GPHN: variants seen among roughly 807,000 people sequenced by gnomAD.
GPHN encodes gephyrin.
In GPHN, 17 loss-of-function variants were observed where a neutral mutation model predicts 95.5. That is an observed-to-expected ratio of 0.18 (90% confidence interval 0.12 to 0.27). The LOEUF is 0.27. Ranked by LOEUF, GPHN falls within the 10% of genes least tolerant of loss-of-function variation. GPHN has a pLI of 1.00. For synonymous variants in GPHN, 320 were observed against 322.5 expected (o/e 0.99, Z 0.08); for missense variants, 660 against 978.1 (o/e 0.67, Z 4.34).
intron 8 of GPHN, among the ~76,000 whole-genome samples, chr14:66,955,242 T>A (rs1443714808): frequency 1.3e-5 from 2 of 152,184 alleles, no homozygotes; most frequent in South Asian, 4.1e-4. Flanking sequence ...GTCCTGGGCT[T>A]TTCCTTGTTG....
the GPHN span, chr14:67,651,608 A>G: frequency 4.9e-6 from 5 of 1,016,806 alleles, no homozygotes; most frequent in Non-Finnish European, 7.0e-6. Context: ...ACAGCCACTT[A>G]GCAGGAAGTA....
chr14:66,719,745 A>G (rs535312103), intron 2 of GPHN, among the ~76,000 whole-genome samples: 4 of 152,338 alleles, frequency 2.6e-5, no homozygotes, highest in East Asian at 1.9e-4. Flanking sequence ...ATTCATTAAC[A>G]TAAGGATGAG....
At chr14:66,536,349 G>A (rs2059144067) in intron 1 of GPHN, among the ~76,000 whole-genome samples, 1 of 152,110 alleles carries the variant, frequency 6.6e-6, no homozygotes, top group Non-Finnish European at 1.5e-5. Context: ...CTGTGATGTG[G>A]TGAATTACAT....
intron 3 of GPHN, among the ~76,000 whole-genome samples, chr14:66,810,253 G>A (rs1020015092): frequency 4.0e-5 from 6 of 151,536 alleles, no homozygotes; most frequent in African/African-American, 1.5e-4. Flanking sequence ...CTTTACTACT[G>A]GAAAACTAAA....
At chr14:66,787,920 G>T (rs924606881) in intron 3 of GPHN, among the ~76,000 whole-genome samples, 1 of 151,286 alleles carries the variant, frequency 6.6e-6, no homozygotes, top group Non-Finnish European at 1.5e-5. Context: ...TACGACCTGG[G>T]GCTAGATGAA....
intron 4 of GPHN, among the ~76,000 whole-genome samples, chr14:66,848,138 TATA>T (rs2062415714): frequency 6.6e-6 from 1 of 152,134 alleles, no homozygotes; most frequent in Non-Finnish European, 1.5e-5. Context: ...TTAGATTTCT[TATA>T]ATATTTAGTA....
intron 8 of GPHN, among the ~76,000 whole-genome samples, chr14:66,932,458 T>TTG (rs2066867542): frequency 1.6e-5 from 2 of 123,618 alleles, no homozygotes; most frequent in South Asian, 3.1e-4. Context: ...TTTTTTTTTT[T>TTG]TTTTTTTTTT....
the GPHN span, among the ~76,000 whole-genome samples, chr14:67,261,204 G>C: frequency 2.4e-4 from 37 of 152,258 alleles, no homozygotes; most frequent in African/African-American, 8.9e-4. Flanking sequence ...ACACTGTTGT[G>C]GTGGTAGGAG....
At chr14:67,225,283 A>T in the GPHN span, 1 of 1,461,318 alleles carries the variant, frequency 6.8e-7, no homozygotes, top group Non-Finnish European at 9.0e-7. Context: ...TTTAATTATA[A>T]GTCTCTATAG....
rs539101099 is a variant in GPHN, at chr14:66,902,291, A to G, written c.390-13712A>G. Among the ~76,000 whole-genome samples the G allele has an allele frequency of 5.9e-5, 9 of 152,150 alleles. 2 individuals carry two copies. The highest frequency in any genetic ancestry group is 2.2e-4 in the African/African-American group (9 of 41,544). On this transcript the variant is annotated intron_variant, in intron 5 of 22. Coordinates refer to ENST00000478722, the MANE Select transcript of GPHN (RefSeq NM_020806.5). ...TTTAGTGGAGTCTCCAGATTTTTCT[A>G]ACTATAAGGTCATGTCATCTGCAAA...
intron 3 of GPHN, among the ~76,000 whole-genome samples, chr14:66,786,390 A>G (rs2059775619): frequency 6.6e-6 from 1 of 152,098 alleles, no homozygotes; most frequent in African/African-American, 2.4e-5. Context: ...TTAAATTCAT[A>G]ATGAAAAAGT....
the GPHN span, among the ~76,000 whole-genome samples, chr14:67,443,852 T>C: frequency 6.6e-6 from 1 of 152,036 alleles, no homozygotes; most frequent in East Asian, 1.9e-4. Context: ...AGGAAACAGG[T>C]ACAGAGAAAT....
chr14:66,835,421 C>T (rs1015503752), intron 4 of GPHN, among the ~76,000 whole-genome samples: 49 of 152,112 alleles, frequency 3.2e-4, no homozygotes, highest in Non-Finnish European at 3.2e-4. Flanking sequence ...CTACACACTG[C>T]TTTGAATATT....
intron 8 of GPHN, among the ~76,000 whole-genome samples, chr14:66,934,488 TG>T (rs1440139652): frequency 6.6e-6 from 1 of 152,198 alleles, no homozygotes; most frequent in Non-Finnish European, 1.5e-5. Context: ...GTCTTAATAC[TG>T]TATAATCAAC....
At chr14:67,154,163 CT>C (rs2081446630) in intron 18 of GPHN, among the ~76,000 whole-genome samples, 1 of 152,202 alleles carries the variant, frequency 6.6e-6, no homozygotes, top group African/African-American at 2.4e-5. Context: ...CATCCATTGC[CT>C]TTTCAGTTCC....
chr14:66,547,680 G>C (rs535650412), intron 1 of GPHN, among the ~76,000 whole-genome samples: 1 of 152,278 alleles, frequency 6.6e-6, no homozygotes, highest in African/African-American at 2.4e-5. Flanking sequence ...GTAAGTATCA[G>C]TTCGTCTTAA....
the GPHN span, among the ~76,000 whole-genome samples, chr14:67,641,495 C>T: frequency 2.6e-5 from 4 of 152,282 alleles, no homozygotes; most frequent in South Asian, 8.3e-4. Context: ...CAAATAGGCA[C>T]ATTTTAGTTG....
At chr14:66,982,730 A>G (rs2070759466) in intron 9 of GPHN, among the ~76,000 whole-genome samples, 1 of 152,138 alleles carries the variant, frequency 6.6e-6, no homozygotes, top group Non-Finnish European at 1.5e-5. Flanking sequence ...AATCCTCACA[A>G]TTATTTACAT....
chr14:67,575,604 C>T, the GPHN span: 1 of 749,540 alleles, frequency 1.3e-6, no homozygotes, highest in African/African-American at 1.7e-5. Context: ...GGCTGGATCC[C>T]TCCAGAGTGT....
Sources: gnomAD v4.1 joint callset for allele counts (sites outside exome capture counted in the v4.1 genomes callset) on GRCh38, gnomAD v4.1.1 for gene constraint, MANE v1.5 for transcripts, NCBI Gene and HGNC (gene_info 2026-07-23, HGNC 2026-07-21) for gene names.